The following TLK2 variants were observed in gnomAD, a reference collection of about 807,000 sequenced individuals.
TLK2 encodes tousled like kinase 2, also known as serine/threonine-protein kinase tousled-like 2.
A neutral mutation model predicts 117.3 loss-of-function variants in TLK2; 6 were observed. The ratio of observed to expected loss-of-function variants is 0.05; its 90% confidence interval spans 0.03 to 0.10. The LOEUF (loss-of-function observed/expected upper bound fraction) is 0.10, where lower values mean the gene tolerates loss of function less well. TLK2 is among the 10% of genes least tolerant of loss of function. The pLI is 1.00. For synonymous variants in TLK2, 257 were observed against 316.7 expected, an observed-to-expected ratio of 0.81 and a Z score of 2.00; for missense variants, 299 against 901.2, an observed-to-expected ratio of 0.33 and a Z score of 8.56.
At chr17:62,481,715 T>TGCCA (rs2071671457) in intron 2 of TLK2, among the ~76,000 whole-genome samples, 1 of 152,132 alleles carries the variant, frequency 6.6e-6, no homozygotes, top group Non-Finnish European at 1.5e-5. Context: ...GAGCATAATA[T>TGCCA]TAGATTAGGC....
intron 2 of TLK2, among the ~76,000 whole-genome samples, chr17:62,487,152 C>T (rs928436857): frequency 3.9e-5 from 6 of 152,012 alleles, no homozygotes; most frequent in African/African-American, 9.7e-5. Flanking sequence ...ATAAGCCGGG[C>T]GTGGTGGCAT....
At chr17:62,513,198 G>T (rs2075297364) in intron 2 of TLK2, among the ~76,000 whole-genome samples, 2 of 151,652 alleles carry the variant, frequency 1.3e-5, no homozygotes, top group African/African-American at 2.4e-5. Flanking sequence ...ATTTTATAAG[G>T]TGTAAGCAAG....
chr17:62,582,288 C>T (rs1034971261), intron 15 of TLK2, among the ~76,000 whole-genome samples: 8 of 152,070 alleles, frequency 5.3e-5, no homozygotes, highest in African/African-American at 1.4e-4. Context: ...ACTGTGCTGC[C>T]TAAGCTGGTC....
intron 13 of TLK2, among the ~76,000 whole-genome samples, chr17:62,577,121 C>A (rs537531586): frequency 3.3e-5 from 5 of 152,124 alleles, no homozygotes; most frequent in African/African-American, 1.2e-4. Flanking sequence ...TGCCACCATA[C>A]CCAGCTAATT....
At chr17:62,571,002 C>T (rs756734626) in intron 11 of TLK2, among the ~76,000 whole-genome samples, 1 of 152,168 alleles carries the variant, frequency 6.6e-6, no homozygotes, top group African/African-American at 2.4e-5. Flanking sequence ...GTCTTACATT[C>T]ATGGCCCCTG....
intron 7 of TLK2, among the ~76,000 whole-genome samples, chr17:62,538,525 T>G (rs1014895332): frequency 6.6e-6 from 1 of 152,198 alleles, no homozygotes; most frequent in Non-Finnish European, 1.5e-5. Context: ...ATACACAAGA[T>G]TTGGTCAGCA....
At chr17:62,514,960 C>A in intron 2 of TLK2, among the ~76,000 whole-genome samples, 1 of 152,182 alleles carries the variant, frequency 6.6e-6, no homozygotes, top group East Asian at 1.9e-4. Context: ...TTGTTTGCAT[C>A]CAATTTCCAG....
intron 16 of TLK2, 31 bp from the exon 17 acceptor site, chr17:62,596,554 C>CCTTCTTGTTAA (rs2082494528): frequency 6.4e-7 from 1 of 1,558,476 alleles, no homozygotes. Context: ...GGCCAATATA[C>CCTTCTTGTTAA]CTTCTTGTTA....
At chr17:62,553,611 C>T in intron 8 of TLK2, 52 bp from the exon 9 acceptor site, 4 of 1,234,670 alleles carry the variant, frequency 3.2e-6, no homozygotes, top group Non-Finnish European at 4.8e-6. Flanking sequence ...AGTGTGATGA[C>T]ATATAACATG....
chr17:62,512,861 A>AATTATTATTATT (rs35048188), intron 2 of TLK2, among the ~76,000 whole-genome samples: 5,304 of 141,106 alleles, frequency 0.038, 127 homozygotes, highest in East Asian at 0.091. Flanking sequence ...AAAATTTATT[A>AATTATTATTATT]ATTATTATTA....
chr17:62,479,479 TG>T, intron 1 of TLK2, among the ~76,000 whole-genome samples, 189 bp downstream of exon 1: 1 of 151,426 alleles, frequency 6.6e-6, no homozygotes, highest in East Asian at 2.0e-4. Context: ...GGGCAGAAGA[TG>T]GGGGAGGCCC....
At chr17:62,506,116 A>G (rs2074667639) in intron 2 of TLK2, among the ~76,000 whole-genome samples, 1 of 149,278 alleles carries the variant, frequency 6.7e-6, no homozygotes, top group Admixed American at 6.6e-5. Flanking sequence ...GCTGAGAGTC[A>G]TATGTGGGTT....
chr17:62,531,060 T>C (rs2076707027), intron 6 of TLK2, among the ~76,000 whole-genome samples: 1 of 152,228 alleles, frequency 6.6e-6, no homozygotes, highest in Non-Finnish European at 1.5e-5. Flanking sequence ...TGTAGTTTTA[T>C]GATGATGTGT....
intron 2 of TLK2, chr17:62,516,678 A>G: frequency 6.2e-7 from 1 of 1,609,546 alleles, no homozygotes; most frequent in Non-Finnish European, 8.5e-7. Context: ...CCGGGTGCTT[A>G]GGCATGTGGA....
chr17:62,574,531 T>G, intron 12 of TLK2: 1 of 653,940 alleles, frequency 1.5e-6, no homozygotes, highest in Non-Finnish European at 2.7e-6. Flanking sequence ...TTGTTTTTTT[T>G]TTTTGAGACG....
intron 21 of TLK2, 72 bp downstream of exon 21, chr17:62,608,220 G>A (rs1247808298): frequency 5.2e-6 from 6 of 1,147,574 alleles, no homozygotes; most frequent in East Asian, 4.7e-5. Context: ...TTGGGTAATA[G>A]TGGATGGATT....
At chr17:62,541,387 A>T (rs2077522247) in intron 7 of TLK2, among the ~76,000 whole-genome samples, 1 of 152,222 alleles carries the variant, frequency 6.6e-6, no homozygotes, top group East Asian at 1.9e-4. Flanking sequence ...TGCATGAGTT[A>T]GTAAAAGCAT....
At chr17:62,568,467 C>G (rs1159743028) in intron 11 of TLK2, among the ~76,000 whole-genome samples, 2 of 151,516 alleles carry the variant, frequency 1.3e-5, no homozygotes, top group Admixed American at 1.3e-4. Flanking sequence ...GGGATTTGAC[C>G]TGTGTACAAA....
At chr17:62,564,189 G>A (rs2079536340) in intron 10 of TLK2, among the ~76,000 whole-genome samples, 1 of 151,920 alleles carries the variant, frequency 6.6e-6, no homozygotes, top group Middle Eastern at 3.2e-3. Flanking sequence ...GATCACTTGA[G>A]GCCAGGAATT....
Sources: gnomAD v4.1 joint callset for allele counts (sites outside exome capture counted in the v4.1 genomes callset) on GRCh38, gnomAD v4.1.1 for gene constraint, MANE v1.5 for transcripts, NCBI Gene and HGNC (gene_info 2026-07-23, HGNC 2026-07-21) for gene names.